The following CALN1 variants were observed in gnomAD, a reference collection of about 807,000 sequenced individuals.
CALN1 encodes calneuron 1.
CALN1 carries 17 observed loss-of-function variants against 30.6 expected under a neutral mutation model. The observed-to-expected ratio is 0.56, with a 90% confidence interval of 0.38 to 0.83. The LOEUF (loss-of-function observed/expected upper bound fraction) is 0.83, where lower values mean the gene tolerates loss of function less well. CALN1 is among the 40% of genes least tolerant of loss of function. The pLI is 0.00. For missense variants in CALN1, 291 were observed against 354.9 expected (o/e 0.82, Z 1.45); for synonymous variants, 156 against 131.4 (o/e 1.19, Z -1.28).
At chr7:72,146,514 A>G (rs865880728) in intron 3 of CALN1, among the ~76,000 whole-genome samples, 1 of 152,362 alleles carries the variant, frequency 6.6e-6, no homozygotes, top group Middle Eastern at 3.4e-3. Context: ...GATAGGAAGA[A>G]TCAATATCGT....
chr7:72,279,747 A>G (rs774588948), intron 2 of CALN1, among the ~76,000 whole-genome samples: 40 of 152,242 alleles, frequency 2.6e-4, no homozygotes, highest in Non-Finnish European at 4.9e-4. Context: ...CAGAAAGAGC[A>G]TAGCTCCTGG....
intron 4 of CALN1, among the ~76,000 whole-genome samples, chr7:72,053,379 A>T (rs750831071): frequency 7.9e-5 from 12 of 152,382 alleles, no homozygotes; most frequent in Non-Finnish European, 1.5e-4. Context: ...GAACTGAGAC[A>T]GTAGCCTGGA....
chr7:72,325,892 T>G (rs1303809342), intron 2 of CALN1, among the ~76,000 whole-genome samples: 1 of 152,002 alleles, frequency 6.6e-6, no homozygotes, highest in African/African-American at 2.4e-5. Flanking sequence ...AAAATGTGAT[T>G]TAACTGTTTT....
At chr7:72,218,796 G>T (rs1793045022) in intron 3 of CALN1, among the ~76,000 whole-genome samples, 2 of 152,268 alleles carry the variant, frequency 1.3e-5, no homozygotes, top group South Asian at 2.1e-4. Context: ...ACAATGACTG[G>T]TAAAGCACTA....
intron 5 of CALN1, among the ~76,000 whole-genome samples, chr7:71,834,868 G>A (rs1269715056): frequency 1.3e-5 from 2 of 152,196 alleles, no homozygotes; most frequent in African/African-American, 2.4e-5. Context: ...GTCTTACTCT[G>A]TCACCCAGGC....
intron 2 of CALN1, among the ~76,000 whole-genome samples, chr7:72,371,697 T>C (rs1204873256): frequency 5.3e-5 from 8 of 152,240 alleles, no homozygotes; most frequent in African/African-American, 1.9e-4. Context: ...GTGTTATGTA[T>C]TATGCATGCA....
chr7:72,054,492 C>CATACAT lies in CALN1; in HGVS notation c.389-30724_389-30723insATGTAT, dbSNP rs1563015723. On this transcript the variant is annotated intron_variant, in intron 4 of 6. Transcript: ENST00000395275. ...ACATATATACATACATATATATATA[C>CATACAT]ATATATACATATATATACATATATA... 7.2e-4 allele frequency among the ~76,000 whole-genome samples: 69 copies of CATACAT among 96,210 alleles called. 3 individuals are homozygous for CATACAT. Among genetic ancestry groups the CATACAT allele is most frequent in the African/African-American group, 2.3e-3 (62 of 26,594 alleles). The allele number at this position is 96,210 out of a possible 152,430, so 63.1% of individuals were successfully genotyped here.
chr7:72,274,443 G>C (rs1019320906), intron 3 of CALN1, among the ~76,000 whole-genome samples: 1 of 151,480 alleles, frequency 6.6e-6, no homozygotes, highest in Non-Finnish European at 1.5e-5. Flanking sequence ...GGGAGGTGGA[G>C]GTTGCAGTGA....
chr7:72,231,074 TCA>T (rs1794065224), intron 3 of CALN1, among the ~76,000 whole-genome samples: 1 of 151,936 alleles, frequency 6.6e-6, no homozygotes, highest in Non-Finnish European at 1.5e-5. Flanking sequence ...TGTCAGTCAC[TCA>T]GTAGCTGACT....
At chr7:72,039,197 C>A (rs913336722) in intron 4 of CALN1, among the ~76,000 whole-genome samples, 7 of 152,194 alleles carry the variant, frequency 4.6e-5, no homozygotes. Flanking sequence ...ACAGTGAATT[C>A]AGTTGTTCGT....
intron 2 of CALN1, among the ~76,000 whole-genome samples, chr7:72,335,406 C>T (rs1585523582): frequency 1.3e-5 from 2 of 152,326 alleles, no homozygotes; most frequent in African/African-American, 4.8e-5. Context: ...ACGAATGTTG[C>T]GTGTGTCTCA....
chr7:72,151,707 T>C (rs1187334613), intron 3 of CALN1, among the ~76,000 whole-genome samples: 1 of 151,810 alleles, frequency 6.6e-6, no homozygotes, highest in East Asian at 2.0e-4. Context: ...CAGATATCGT[T>C]TTTGTTGTTG....
intron 5 of CALN1, among the ~76,000 whole-genome samples, chr7:71,888,967 G>GAC (rs1793079351): frequency 1.3e-5 from 2 of 152,198 alleles, no homozygotes. Flanking sequence ...GCTGAGGAGG[G>GAC]AAGCCGCAGT....
intron 2 of CALN1, among the ~76,000 whole-genome samples, chr7:72,397,750 A>ACACC (rs1491117589): frequency 6.9e-6 from 1 of 144,200 alleles, no homozygotes; most frequent in African/African-American, 2.5e-5. Flanking sequence ...ACACACACAC[A>ACACC]CCTTGCTCCA....
At chr7:71,791,543 C>A (rs1027614967) in intron 6 of CALN1, among the ~76,000 whole-genome samples, 5 of 152,054 alleles carry the variant, frequency 3.3e-5, no homozygotes, top group Non-Finnish European at 5.9e-5. Context: ...GACACTGGGG[C>A]CCACTTGAGG....
chr7:72,386,717 C>T (rs1395370046), intron 2 of CALN1, among the ~76,000 whole-genome samples: 3 of 152,110 alleles, frequency 2.0e-5, no homozygotes, highest in East Asian at 1.9e-4. Context: ...CTCACTGCAA[C>T]CCTGAACTCC....
At chr7:72,149,342 C>T (rs1172555893) in intron 3 of CALN1, among the ~76,000 whole-genome samples, 4 of 151,982 alleles carry the variant, frequency 2.6e-5, no homozygotes, top group Non-Finnish European at 4.4e-5. Context: ...GTGGCAGTCG[C>T]CTATAATCCC....
chr7:72,405,565 G>A (rs1025164922), intron 1 of CALN1, among the ~76,000 whole-genome samples: 1 of 151,994 alleles, frequency 6.6e-6, no homozygotes, highest in Non-Finnish European at 1.5e-5. Context: ...CCCGTACGCC[G>A]CTCTCTTACA....
intron 2 of CALN1, among the ~76,000 whole-genome samples, chr7:72,381,884 T>C (rs753618276): frequency 6.6e-5 from 10 of 152,112 alleles, no homozygotes; most frequent in East Asian, 1.9e-4. Context: ...GAATTATAGA[T>C]GCTCCAAGAA....
Sources: gnomAD v4.1 joint callset for allele counts (sites outside exome capture counted in the v4.1 genomes callset) on GRCh38, gnomAD v4.1.1 for gene constraint, MANE v1.5 for transcripts, NCBI Gene and HGNC (gene_info 2026-07-23, HGNC 2026-07-21) for gene names.